LYN: variants seen among roughly 807,000 people sequenced by gnomAD.
LYN encodes the protein tyrosine-protein kinase Lyn.
Under a neutral mutation model 65.0 loss-of-function variants are expected in LYN, and 12 were observed. The ratio of observed to expected loss-of-function variants is 0.18; its 90% confidence interval spans 0.12 to 0.30. The LOEUF is 0.30. Among genes scored for constraint, LYN ranks in the 10% least tolerant of loss-of-function variants. LYN has a pLI of 1.00. For synonymous variants in LYN, 222 were observed against 221.2 expected, an observed-to-expected ratio of 1.00 and a Z score of -0.03; for missense variants, 380 against 623.2, an observed-to-expected ratio of 0.61 and a Z score of 4.16.
chr8:55,955,779 C>T (rs1807089043), intron 8 of LYN, among the ~76,000 whole-genome samples: 1 of 152,144 alleles, frequency 6.6e-6, no homozygotes, highest in Non-Finnish European at 1.5e-5. Context: ...CATTTATTTG[C>T]CCTTTTGTGT....
rs551395846 is a variant in LYN at position 55,881,487 on chromosome 8, A to G, written c.-6+1384A>G. Among the ~76,000 whole-genome samples, 8 of 152,328 alleles carry G rather than the reference A, an allele frequency of 5.3e-5. No individual in the cohort carries two copies. In the East Asian group the frequency reaches 1.5e-3, roughly 29 times the overall value. On this transcript the variant is annotated intron_variant, in intron 1 of 12. Transcript: ENST00000519728. ...GCTTTGTTGGGAAAGGGTGGGATCC[A>G]GTTAGTCCCTCCATTCTCATTTGGA...
intron 1 of LYN, among the ~76,000 whole-genome samples, chr8:55,939,063 C>A (rs1806521734): frequency 6.6e-6 from 1 of 152,200 alleles, no homozygotes; most frequent in Non-Finnish European, 1.5e-5. Flanking sequence ...CATGTAACCA[C>A]TCTCAGTTTT....
chr8:55,928,401 C>T (rs1025559067), intron 1 of LYN, among the ~76,000 whole-genome samples: 2 of 152,224 alleles, frequency 1.3e-5, no homozygotes, highest in Non-Finnish European at 2.9e-5. Context: ...CGACCTTGGC[C>T]TCCCAAAGTG....
At chr8:55,950,010 T>C (rs1806896626) in intron 4 of LYN, among the ~76,000 whole-genome samples, 1 of 152,226 alleles carries the variant, frequency 6.6e-6, no homozygotes, top group African/African-American at 2.4e-5. Flanking sequence ...TTCACATAAA[T>C]GGAATCATAC....
chr8:55,884,661 G>T (rs1269256946), intron 1 of LYN, among the ~76,000 whole-genome samples: 1 of 151,322 alleles, frequency 6.6e-6, no homozygotes, highest in Non-Finnish European at 1.5e-5. Flanking sequence ...CACCATGTTG[G>T]CCAGGGTGGT....
intron 1 of LYN, among the ~76,000 whole-genome samples, chr8:55,939,768 G>A (rs1468399655): frequency 6.6e-6 from 1 of 152,158 alleles, no homozygotes; most frequent in Non-Finnish European, 1.5e-5. Context: ...CCGCTTTTTC[G>A]GGGAGGGTGA....
intron 1 of LYN, among the ~76,000 whole-genome samples, chr8:55,931,248 C>T (rs1806262545): frequency 6.7e-6 from 1 of 149,152 alleles, no homozygotes; most frequent in Non-Finnish European, 1.5e-5. Flanking sequence ...TTATGTTGTA[C>T]ATAAATATGT....
chr8:55,885,939 T>G (rs1402658304), intron 1 of LYN, among the ~76,000 whole-genome samples: 3 of 150,038 alleles, frequency 2.0e-5, no homozygotes, highest in African/African-American at 7.3e-5. Context: ...CATTTTCGGT[T>G]TGCCCTTAAG....
intron 1 of LYN, among the ~76,000 whole-genome samples, chr8:55,889,773 G>A (rs1211875888): frequency 6.6e-6 from 1 of 152,126 alleles, no homozygotes; most frequent in African/African-American, 2.4e-5. Flanking sequence ...AGCACAGGGT[G>A]TCGAATTAAT....
At chr8:55,930,282 T>C (rs1192004703) in intron 1 of LYN, among the ~76,000 whole-genome samples, 1 of 152,254 alleles carries the variant, frequency 6.6e-6, no homozygotes, top group Non-Finnish European at 1.5e-5. Context: ...TTTAGGTGTC[T>C]TGAGCTGAGT....
chr8:55,897,755 T>C (rs1680661957), intron 1 of LYN, among the ~76,000 whole-genome samples: 1 of 151,876 alleles, frequency 6.6e-6, no homozygotes, highest in Non-Finnish European at 1.5e-5. Flanking sequence ...CTATAGGAAA[T>C]TAAAAAAATT....
intron 1 of LYN, among the ~76,000 whole-genome samples, chr8:55,914,909 C>G (rs1216110783): frequency 6.6e-6 from 1 of 152,142 alleles, no homozygotes; most frequent in Non-Finnish European, 1.5e-5. Context: ...TCAGGGACAA[C>G]TCAACTTGAA....
rs1162502201 is a variant in LYN, at chr8:55,911,198, C to T, written c.-5-30657C>T. 7.0e-3 allele frequency among the ~76,000 whole-genome samples: 49 copies of T among 7,034 alleles called. 11 individuals are homozygous for T. Among genetic ancestry groups the T allele is most frequent in the Non-Finnish European group, 0.01 (19 of 1,820 alleles). The allele number at this position is 7,034 out of a possible 152,430, so 4.6% of individuals were successfully genotyped here. On this transcript the variant is annotated intron_variant, in intron 1 of 12. Coordinates refer to ENST00000519728, the MANE Select transcript of LYN (RefSeq NM_002350.4). ...GTATATATATATATATACACACACA[C>T]ATATATATATACACGTGTATATATA... is the stretch of plus-strand genomic sequence containing the variant.
chr8:56,002,311 C>A (rs541248278), intron 12 of LYN, among the ~76,000 whole-genome samples: 1 of 151,654 alleles, frequency 6.6e-6, no homozygotes, highest in East Asian at 1.9e-4. Flanking sequence ...CCCAGCTACT[C>A]GGGAGGCTGG....
intron 1 of LYN, among the ~76,000 whole-genome samples, chr8:55,897,143 A>C (rs1285189383): frequency 6.6e-6 from 1 of 152,176 alleles, no homozygotes; most frequent in Non-Finnish European, 1.5e-5. Context: ...CAACATCCAC[A>C]GGTATCTTCT....
At chr8:55,975,966 C>T (rs1164044838) in intron 10 of LYN, among the ~76,000 whole-genome samples, 4 of 152,010 alleles carry the variant, frequency 2.6e-5, no homozygotes, top group Non-Finnish European at 5.9e-5. Flanking sequence ...TGCTTTTGGC[C>T]TGCAGGCAAG....
intron 10 of LYN, among the ~76,000 whole-genome samples, chr8:55,997,093 G>A (rs1233679813): frequency 6.6e-6 from 1 of 151,792 alleles, no homozygotes; most frequent in South Asian, 2.1e-4. Flanking sequence ...CCTAGGAGGC[G>A]GGAGGTTGCA....
At chr8:55,999,128 C>T (rs975756016) in intron 11 of LYN, among the ~76,000 whole-genome samples, 54 of 152,272 alleles carry the variant, frequency 3.5e-4, no homozygotes, top group Admixed American at 2.8e-3. Context: ...CTCTCACCCA[C>T]GAGAGCTGAG....
At chr8:55,920,840 G>A (rs1440638026) in intron 1 of LYN, among the ~76,000 whole-genome samples, 1 of 148,372 alleles carries the variant, frequency 6.7e-6, no homozygotes, top group Non-Finnish European at 1.5e-5. Flanking sequence ...GGGATTATAG[G>A]CATGTGCTAC....
Sources: allele counts gnomAD v4.1 joint callset (sites outside exome capture counted in the v4.1 genomes callset), GRCh38; gene constraint gnomAD v4.1.1; transcripts MANE v1.5; gene names NCBI Gene and HGNC (gene_info 2026-07-23, HGNC 2026-07-21).